Variants in HACD2 observed in about 807,000 individuals in gnomAD.
HACD2 encodes very-long-chain (3R)-3-hydroxyacyl-CoA dehydratase 2.
Under a neutral mutation model 31.0 loss-of-function variants are expected in HACD2, and 15 were observed. The ratio of observed to expected loss-of-function variants is 0.48; its 90% CI spans 0.32 to 0.75. HACD2 has a LOEUF of 0.75. Ranked by LOEUF, HACD2 falls within the 30% of genes least tolerant of loss-of-function variation. HACD2 has a pLI of 0.03. For synonymous variants in HACD2, 115 were observed against 122.2 expected (o/e 0.94, Z 0.39); for missense variants, 283 against 313.0 (o/e 0.90, Z 0.72).
chr3:123,564,969 G>C (rs539001168), intron 3 of HACD2, among the ~76,000 whole-genome samples: 6 of 152,100 alleles, frequency 3.9e-5, no homozygotes, highest in Non-Finnish European at 8.8e-5. Flanking sequence ...CCAACCCTCT[G>C]AGCAGCATGT....
intron 4 of HACD2, among the ~76,000 whole-genome samples, chr3:123,509,488 C>A (rs2056022715): frequency 1.4e-5 from 2 of 141,162 alleles, no homozygotes; most frequent in South Asian, 4.6e-4. Context: ...CCAACCTTCC[C>A]CTTCCTGTGA....
In HACD2 at chr3:123,492,217, G is replaced by T. The variant is rs10668; in HGVS notation, c.*2671C>A. 0.37 allele frequency: 55,562 copies of T among 152,128 alleles called. 13,019 individuals are homozygous for T. The highest frequency in any genetic ancestry group is 0.52 in the Non-Finnish European group (35,135 of 67,970). The allele number at this position is 152,128 out of a possible 1,614,324, so 9.4% of individuals were successfully genotyped here. ...CTGTGCTGACAAAAGCACTACTGCG[G>T]ACCTCAAAGAATTCTCTGTCAGAAG... On this transcript the variant is annotated 3_prime_UTR_variant, in exon 7 of 7. Coordinates refer to ENST00000383657, the MANE Select transcript of HACD2 (RefSeq NM_198402.5).
chr3:123,522,030 G>GTCACTTC (rs2056221691), intron 4 of HACD2, among the ~76,000 whole-genome samples: 1 of 152,168 alleles, frequency 6.6e-6, no homozygotes, highest in South Asian at 2.1e-4. Flanking sequence ...CTCTTGGCCG[G>GTCACTTC]TGTGGTGGCT....
intron 3 of HACD2, among the ~76,000 whole-genome samples, chr3:123,541,529 T>C (rs1223637242): frequency 6.6e-6 from 1 of 152,124 alleles, no homozygotes; most frequent in Non-Finnish European, 1.5e-5. Flanking sequence ...AAGGCATCCA[T>C]GGGAAAGATT....
chr3:123,548,781 C>A (rs758419133), intron 3 of HACD2, among the ~76,000 whole-genome samples: 1 of 151,844 alleles, frequency 6.6e-6, no homozygotes, highest in Non-Finnish European at 1.5e-5. Context: ...TGTCACCATG[C>A]CTGGCTAAAT....
At position 123,502,693 on chromosome 3, in the gene HACD2, G is replaced by A; in HGVS notation, c.382-12C>T. On this transcript the variant is annotated splice_polypyrimidine_tract_variant and intron_variant, in intron 4 of 6. Coordinates refer to ENST00000383657, the MANE Select transcript of HACD2 (RefSeq NM_198402.5). ...TCTTCACTCTGTACCTGAAGGAAGA[G>A]GAAAACAAAAGAAAAAAAACACACA... 1 of 1,588,644 alleles carries A rather than the reference G, an allele frequency of 6.3e-7. No individual in the cohort carries two copies. The highest frequency in any genetic ancestry group is 8.6e-7 in the Non-Finnish European group (1 of 1,166,898).
rs554687601 is a variant in HACD2 at position 123,563,437 on chromosome 3, T to G, written c.292+4325A>C. On this transcript the variant is annotated intron_variant, in intron 3 of 6. Transcript: ENST00000383657. The stretch of plus-strand genomic sequence containing the variant: ...GGAGAAGTGGGCAGGGCACAGATCA[T>G]GAAGAAATTTAAACCAGCAAAAGGT... Among the ~76,000 whole-genome samples, 27 of 152,256 alleles carry G rather than the reference T, an allele frequency of 1.8e-4. No homozygotes were observed. The East Asian group carries it at 4.8e-3, about 27-fold the overall frequency.
At chr3:123,508,089 A>G (rs1047233773) in intron 4 of HACD2, among the ~76,000 whole-genome samples, 2 of 152,162 alleles carry the variant, frequency 1.3e-5, no homozygotes, top group Non-Finnish European at 2.9e-5. Context: ...GAAAAGGGAG[A>G]TGATGAAGAT....
At chr3:123,545,139 G>C (rs1392123646) in intron 3 of HACD2, among the ~76,000 whole-genome samples, 2 of 132,406 alleles carry the variant, frequency 1.5e-5, no homozygotes, top group Non-Finnish European at 3.2e-5. Flanking sequence ...GGTACTAGCT[G>C]TTTTTTTTTT....
intron 4 of HACD2, among the ~76,000 whole-genome samples, chr3:123,507,279 A>G (rs1344188230): frequency 6.6e-6 from 1 of 152,188 alleles, no homozygotes; most frequent in East Asian, 1.9e-4. Context: ...AGGAGGTTTA[A>G]TAAGTCTGCT....
chr3:123,545,486 A>AAAATAAATAAAT (rs138722084), intron 3 of HACD2, among the ~76,000 whole-genome samples: 6,277 of 112,830 alleles, frequency 0.056, 267 homozygotes, highest in African/African-American at 0.12. Context: ...AGTCTCAGTA[A>AAAATAAATAAAT]AAATAAATAA....
chr3:123,513,607 G>A (rs139891731), intron 4 of HACD2, among the ~76,000 whole-genome samples: 1 of 152,274 alleles, frequency 6.6e-6, no homozygotes, highest in Non-Finnish European at 1.5e-5. Flanking sequence ...TGAGGAGATC[G>A]TCCAGACTGA....
chr3:123,516,481 A>G (rs2056139426), intron 4 of HACD2, among the ~76,000 whole-genome samples: 1 of 150,996 alleles, frequency 6.6e-6, no homozygotes, highest in African/African-American at 2.4e-5. Context: ...TGATCCGCCC[A>G]CCTCGGCCTC....
At chr3:123,568,234 C>T (rs975864191) in intron 2 of HACD2, among the ~76,000 whole-genome samples, 4 of 152,206 alleles carry the variant, frequency 2.6e-5, no homozygotes, top group Non-Finnish European at 5.9e-5. Context: ...TACTAAGTTC[C>T]ACCCTCAGTC....
chr3:123,533,203 C>T (rs1334994047), intron 3 of HACD2, among the ~76,000 whole-genome samples: 1 of 152,092 alleles, frequency 6.6e-6, no homozygotes, highest in Non-Finnish European at 1.5e-5. Flanking sequence ...GACTAGAGTA[C>T]AGTGGCACAA....
At chr3:123,498,425 A>G (rs376878685) in intron 6 of HACD2, among the ~76,000 whole-genome samples, 7 of 152,260 alleles carry the variant, frequency 4.6e-5, no homozygotes, top group East Asian at 1.9e-4. Context: ...GGGGTCCCCA[A>G]CCGCCACCTG....
chr3:123,584,624 C>T, intron 1 of HACD2: 1 of 327,008 alleles, frequency 3.1e-6, no homozygotes, highest in Non-Finnish European at 5.5e-6. Flanking sequence ...CAGCGCCCGG[C>T]AGCCGTCCCC....
At chr3:123,552,969 C>A (rs1292108983) in intron 3 of HACD2, among the ~76,000 whole-genome samples, 2 of 151,894 alleles carry the variant, frequency 1.3e-5, no homozygotes, top group East Asian at 3.9e-4. Flanking sequence ...GGGAAGGAGG[C>A]AAAGAAGATC....
chr3:123,521,654 C>T (rs2056216651), intron 4 of HACD2, among the ~76,000 whole-genome samples: 1 of 149,860 alleles, frequency 6.7e-6, no homozygotes, highest in Admixed American at 6.6e-5. Flanking sequence ...TTTTCAGGAG[C>T]AGAGTCACCA....
Sources: allele counts gnomAD v4.1 joint callset (sites outside exome capture counted in the v4.1 genomes callset), GRCh38; gene constraint gnomAD v4.1.1; transcripts MANE v1.5; gene names NCBI Gene and HGNC (gene_info 2026-07-23, HGNC 2026-07-21).